PCDHA7: variants seen among roughly 807,000 people sequenced by gnomAD.
The protein encoded by PCDHA7 is protocadherin alpha 7, also known as protocadherin alpha-7.
A neutral mutation model predicts 57.2 loss-of-function variants in PCDHA7; 37 were observed. That is an observed-to-expected ratio of 0.65 (90% confidence interval 0.50 to 0.85). The LOEUF is 0.85. Ranked by LOEUF, PCDHA7 falls within the 40% of genes least tolerant of loss-of-function variation. The probability of loss-of-function intolerance (pLI) is 0.00; values close to 1 mark genes in which losing one functional copy is unlikely to be tolerated. For synonymous variants in PCDHA7, 553 were observed against 558.8 expected, an observed-to-expected ratio of 0.99 and a Z score of 0.15; for missense variants, 1,188 against 1,241.8, an observed-to-expected ratio of 0.96 and a Z score of 0.65.
At chr5:140,897,353 T>C (rs1363658526) in intron 1 of PCDHA7, among the ~76,000 whole-genome samples, 3 of 116,194 alleles carry the variant, frequency 2.6e-5, no homozygotes, top group Non-Finnish European at 4.9e-5. Flanking sequence ...CCCACAACTG[T>C]CCCCAGAGTG....
intron 1 of PCDHA7, chr5:140,929,480 G>T: frequency 8.4e-7 from 1 of 1,195,420 alleles, no homozygotes; most frequent in Non-Finnish European, 1.1e-6. Flanking sequence ...TGGAAGTATA[G>T]AAGTATTAGA....
chr5:140,913,659 A>T (rs1414002446), intron 1 of PCDHA7, among the ~76,000 whole-genome samples: 2 of 152,044 alleles, frequency 1.3e-5, no homozygotes, highest in Non-Finnish European at 2.9e-5. Flanking sequence ...TTTAAGATGT[A>T]TAGTTAGGTT....
chr5:140,871,302 G>T lies in PCDHA7; in HGVS notation c.2355+34564G>T, dbSNP rs2052939724. ...CGCCCACTGAGGGCGCGTGCGCGCCGGGGAAGCCCACGCTGGTGTGCTCCC... is the reference window on the plus strand; with the variant it reads ...CGCCCACTGAGGGCGCGTGCGCGCCTGGGAAGCCCACGCTGGTGTGCTCCC... On this transcript the variant is annotated intron_variant, in intron 1 of 3. Coordinates refer to ENST00000525929, the MANE Select transcript of PCDHA7 (RefSeq NM_018910.3). 1.9e-6 allele frequency: 3 copies of T among 1,613,974 alleles called. 1 individual carries two copies. Among genetic ancestry groups the T allele is most frequent in the South Asian group, 2.2e-5 (2 of 91,078 alleles).
chr5:140,876,463 G>T, intron 1 of PCDHA7: 2 of 1,614,014 alleles, frequency 1.2e-6, no homozygotes, highest in Non-Finnish European at 1.7e-6. Flanking sequence ...TCCTTCCATG[G>T]CAGGTCACAG....
chr5:140,843,306 C>G, intron 1 of PCDHA7: 1 of 1,596,008 alleles, frequency 6.3e-7, no homozygotes, highest in East Asian at 2.2e-5. Context: ...CTGACCGCCA[C>G]GGCCACGGTT....
At chr5:140,995,682 T>A (rs566340825) in intron 3 of PCDHA7, among the ~76,000 whole-genome samples, 28 of 152,312 alleles carry the variant, frequency 1.8e-4, no homozygotes, top group East Asian at 9.6e-4. Context: ...GCATTTTTTT[T>A]AATTGTTAAA....
chr5:140,927,939 A>G (rs782391525), intron 1 of PCDHA7: 1 of 1,614,234 alleles, frequency 6.2e-7, no homozygotes, highest in Non-Finnish European at 8.5e-7. Flanking sequence ...CGAACCCAGT[A>G]CCTGAGGACG....
intron 3 of PCDHA7, among the ~76,000 whole-genome samples, chr5:141,005,544 A>G (rs1197838847): frequency 6.6e-6 from 1 of 151,492 alleles, no homozygotes; most frequent in Non-Finnish European, 1.5e-5. Flanking sequence ...TCTACTAAAA[A>G]TACAAAAATT....
At chr5:140,871,549 T>C (rs1554165727) in intron 1 of PCDHA7, 6 of 1,496,034 alleles carry the variant, frequency 4.0e-6, no homozygotes, top group Non-Finnish European at 5.4e-6. Flanking sequence ...TTATTTAAAA[T>C]CCAGTTTTTT....
chr5:140,985,859 C>T (rs2153837183), intron 3 of PCDHA7, among the ~76,000 whole-genome samples: 1 of 151,736 alleles, frequency 6.6e-6, no homozygotes, highest in African/African-American at 2.4e-5. Context: ...CCTGCCTCAG[C>T]CTCCTGAGTA....
Position 140,949,948 on chromosome 5 carries a change from G to T in PCDHA7, c.2356-29001G>T, listed in dbSNP as rs2094436034. Among the ~76,000 whole-genome samples the T allele has an allele frequency of 2.0e-5, 3 of 151,288 alleles. No individual in the cohort carries two copies. In the South Asian group the frequency reaches 6.2e-4, roughly 31 times the overall value. On this transcript the variant is annotated intron_variant, in intron 1 of 3. Coordinates refer to ENST00000525929, the MANE Select transcript of PCDHA7 (RefSeq NM_018910.3). ...GATTTTTTTTAATTTGCATTTTTTA[G>T]TGGTTGCTGTAAGGATTACAGCATA...
At chr5:140,837,632 C>CTTT (rs1562365662) in intron 1 of PCDHA7, among the ~76,000 whole-genome samples, 8 of 151,106 alleles carry the variant, frequency 5.3e-5, no homozygotes, top group Admixed American at 1.3e-4. Context: ...TTCCTTCCTT[C>CTTT]CTTTCTTTCT....
intron 3 of PCDHA7, among the ~76,000 whole-genome samples, chr5:140,996,991 T>C (rs191353108): frequency 1.6e-4 from 25 of 152,346 alleles, no homozygotes; most frequent in African/African-American, 5.3e-4. Flanking sequence ...GCAACCACTG[T>C]TAACAATTTT....
At chr5:140,938,715 C>T (rs138044331) in intron 1 of PCDHA7, among the ~76,000 whole-genome samples, 10 of 152,038 alleles carry the variant, frequency 6.6e-5, no homozygotes, top group African/African-American at 2.4e-4. Flanking sequence ...ATGATAGAAA[C>T]GCGTTTCTAC....
intron 1 of PCDHA7, chr5:140,850,811 C>T: frequency 6.3e-7 from 1 of 1,598,320 alleles, no homozygotes; most frequent in Non-Finnish European, 8.6e-7. Flanking sequence ...TCATGGCCTT[C>T]AGCCCGGGCC....
chr5:140,857,185 A>T (rs782245615), intron 1 of PCDHA7: 1 of 1,598,506 alleles, frequency 6.3e-7, no homozygotes, highest in South Asian at 1.1e-5. Flanking sequence ...ATGATTCAGG[A>T]GCCAACGGAC....
intron 1 of PCDHA7, among the ~76,000 whole-genome samples, chr5:140,914,671 A>G (rs1012780806): frequency 2.6e-5 from 4 of 151,552 alleles, no homozygotes; most frequent in Non-Finnish European, 4.4e-5. Context: ...CTTCTTTTTC[A>G]TGAAAATAAT....
intron 1 of PCDHA7, among the ~76,000 whole-genome samples, chr5:140,954,191 G>C (rs201162017): frequency 2.0e-5 from 3 of 152,150 alleles, no homozygotes; most frequent in Non-Finnish European, 4.4e-5. Flanking sequence ...TCATTGATGG[G>C]CATTTGGGTT....
intron 1 of PCDHA7, among the ~76,000 whole-genome samples, chr5:140,961,632 A>G (rs373824042): frequency 7.9e-5 from 12 of 152,214 alleles, no homozygotes; most frequent in South Asian, 4.1e-4. Flanking sequence ...ATGAAAAACA[A>G]TCTTAAGTCT....
Sources: allele counts gnomAD v4.1 joint callset (sites outside exome capture counted in the v4.1 genomes callset), GRCh38; gene constraint gnomAD v4.1.1; transcripts MANE v1.5; gene names NCBI Gene and HGNC (gene_info 2026-07-23, HGNC 2026-07-21).